Variants in CDK13 observed in about 807,000 individuals in gnomAD.
CDK13 encodes cyclin-dependent kinase 13.
In CDK13, 40 loss-of-function variants were observed where a neutral mutation model predicts 137.6. The observed-to-expected ratio is 0.29, with a 90% CI of 0.23 to 0.38. CDK13 has a LOEUF of 0.38. Ranked by LOEUF, CDK13 falls within the 10% of genes least tolerant of loss-of-function variation. The pLI is 1.00. For missense variants in CDK13, 1,704 were observed against 1,951.8 expected, an observed-to-expected ratio of 0.87 and a Z score of 2.39; for synonymous variants, 869 against 760.1, an observed-to-expected ratio of 1.14 and a Z score of -2.36.
At chr7:39,974,678 C>T (rs1448614199) in intron 1 of CDK13, among the ~76,000 whole-genome samples, 1 of 151,936 alleles carries the variant, frequency 6.6e-6, no homozygotes, top group East Asian at 1.9e-4. Flanking sequence ...ATTCTCCTGC[C>T]TCAGCCTCCT....
chr7:40,017,808 A>AT (rs1785033080), intron 5 of CDK13, among the ~76,000 whole-genome samples: 1 of 151,446 alleles, frequency 6.6e-6, no homozygotes, highest in African/African-American at 2.4e-5. Flanking sequence ...AATAATAGGA[A>AT]TTTTTTTATA....
At chr7:40,093,886 A>AC (rs1256793162) in intron 13 of CDK13, among the ~76,000 whole-genome samples, 4 of 148,618 alleles carry the variant, frequency 2.7e-5, no homozygotes, top group African/African-American at 1.0e-4. Flanking sequence ...AGTCTGGGTG[A>AC]CAGAGTGAGA....
intron 11 of CDK13, 69 bp from the exon 12 acceptor site, chr7:40,088,057 C>T: frequency 7.6e-7 from 1 of 1,317,904 alleles, no homozygotes; most frequent in South Asian, 1.3e-5. Context: ...AACTTTGTTG[C>T]TATATAGTAA....
At chr7:40,030,779 T>C (rs1426003984) in intron 5 of CDK13, among the ~76,000 whole-genome samples, 2 of 152,170 alleles carry the variant, frequency 1.3e-5, no homozygotes, top group Non-Finnish European at 2.9e-5. Flanking sequence ...ATACGTAGAC[T>C]ATTCAGATTG....
chr7:40,030,889 T>G (rs1785364839), intron 5 of CDK13, among the ~76,000 whole-genome samples: 1 of 152,220 alleles, frequency 6.6e-6, no homozygotes, highest in Non-Finnish European at 1.5e-5. Context: ...ATTGTATGGG[T>G]GTACCACAGT....
At chr7:39,977,991 A>G (rs182893786) in intron 1 of CDK13, among the ~76,000 whole-genome samples, 268 of 152,268 alleles carry the variant, frequency 1.8e-3, no homozygotes, top group African/African-American at 5.9e-3. Context: ...ACTGCCTCAG[A>G]ATAGGGTGTA....
At position 40,019,573 on chromosome 7, in the gene CDK13, C is replaced by T. The variant is rs185837070; in HGVS notation, c.2353+17542C>T. ...CTCAACTGCTTGGATGAAGCCCACC[C>T]ACATTGTGAGGGTTCATCTTTTCTC... On this transcript the variant is annotated intron_variant, in intron 5 of 13. Coordinates refer to ENST00000181839, the MANE Select transcript of CDK13 (RefSeq NM_003718.5). Among the ~76,000 whole-genome samples the T allele has an allele frequency of 7.9e-5, 12 of 152,212 alleles. No individual in the cohort carries two copies. In the East Asian group the frequency reaches 2.3e-3, roughly 29 times the overall value.
At chr7:40,009,174 C>G (rs371769439) in intron 5 of CDK13, among the ~76,000 whole-genome samples, 101 of 152,340 alleles carry the variant, frequency 6.6e-4, no homozygotes, top group Middle Eastern at 3.4e-3. Context: ...TTTCTCACAT[C>G]TGTATGATTA....
chr7:40,059,774 T>C (rs1017812599), intron 7 of CDK13, among the ~76,000 whole-genome samples: 2 of 152,252 alleles, frequency 1.3e-5, no homozygotes, highest in Non-Finnish European at 2.9e-5. Context: ...GTGGTACTTT[T>C]TGTTTTATAA....
At chr7:39,962,771 T>C (rs1783778927) in intron 1 of CDK13, among the ~76,000 whole-genome samples, 1 of 152,190 alleles carries the variant, frequency 6.6e-6, no homozygotes, top group South Asian at 2.1e-4. Flanking sequence ...AACATTTAAG[T>C]CTGTAATCCA....
At chr7:40,071,476 A>G (rs1307969782) in intron 9 of CDK13, 3 of 152,246 alleles carry the variant, frequency 2.0e-5, no homozygotes, top group Non-Finnish European at 2.9e-5. Flanking sequence ...AGAAACCACA[A>G]AAATTAGATG....
chr7:40,070,072 A>G lies in CDK13; in HGVS notation c.2780+6972A>G, dbSNP rs1786379680. The G allele has an allele frequency of 4.7e-5, 7 of 148,582 alleles. No homozygotes were observed. The Admixed American group carries it at 4.8e-4, about 10-fold the overall frequency. 9.2% of individuals were successfully genotyped at this position (148,582 alleles called of 1,614,324 possible). A position where few individuals can be genotyped will look rare whatever the true frequency, so the allele number is the denominator to read the frequency against. ...CCCGTCTCTACCAAAACTACAAAAAAAAAAAAAAAAAAAAAAAAAAAGCCG... is the reference window on the plus strand; with the variant it reads ...CCCGTCTCTACCAAAACTACAAAAAGAAAAAAAAAAAAAAAAAAAAAGCCG... On this transcript the variant is annotated intron_variant, in intron 9 of 13. Transcript: ENST00000181839.
intron 1 of CDK13, among the ~76,000 whole-genome samples, chr7:39,970,017 CTT>C (rs869070174): frequency 3.0e-4 from 41 of 136,628 alleles, no homozygotes; most frequent in Admixed American, 4.4e-4. Flanking sequence ...GTGATTTATG[CTT>C]TTTTTTTTTT....
chr7:40,074,746 G>A (rs1371997746), intron 9 of CDK13, among the ~76,000 whole-genome samples: 2 of 151,460 alleles, frequency 1.3e-5, no homozygotes, highest in Admixed American at 6.6e-5. Context: ...ATTTGAGACC[G>A]GGAGGTCGAG....
At position 40,097,564 on chromosome 7, in the gene CDK13, A is replaced by G. The variant is rs1173869678; in HGVS notation, c.*2584A>G. The G allele has an allele frequency of 2.0e-5, 3 of 152,132 alleles. No homozygotes were observed. Among genetic ancestry groups the G allele is most frequent in the Non-Finnish European group, 4.4e-5 (3 of 67,974 alleles). The allele number at this position is 152,132 out of a possible 1,614,324, so 9.4% of individuals were successfully genotyped here. ...ATCGCTGAAAATTTGAGTGAAATCT[A>G]AAGAACACAAAATATTGCTTAAATT... On this transcript the variant is annotated 3_prime_UTR_variant, in exon 14 of 14. Transcript: ENST00000181839.
chr7:39,952,074 G>A lies in CDK13; in HGVS notation c.1211+222G>A, dbSNP rs9655407. ...CTGGGCGAAGGGAACTTTTCTCCTA[G>A]CTGTGGCAGGGAAGATTTCTAAGGA... On this transcript the variant is annotated intron_variant, in intron 1 of 13. Transcript: ENST00000181839. 120,168 of 400,344 alleles carry A rather than the reference G, an allele frequency of 0.3. 20,998 individuals carry two copies. The highest frequency in any genetic ancestry group is 0.48 in the Middle Eastern group (750 of 1,578). The allele number at this position is 400,344 out of a possible 1,614,324, so 24.8% of individuals were successfully genotyped here. A position where few individuals can be genotyped will look rare whatever the true frequency, so the allele number is the denominator to read the frequency against.
chr7:40,047,839 A>G lies in CDK13; in HGVS notation c.2562A>G (p.Ala854=), dbSNP rs1296541669. 1 of 1,611,216 alleles carries G rather than the reference A, an allele frequency of 6.2e-7. No homozygotes were observed. The highest frequency in any genetic ancestry group is 1.3e-5 in the African/African-American group (1 of 74,984). Residue 854 remains alanine, a synonymous_variant, in exon 7 of 14, where the codon GCA becomes GCG. Transcript: ENST00000181839. ...LLNNRGQIKL[A]DFGLARLYSS... ...CCACCAGAGGGCAGATAAAACTTGC[A>G]GACTTTGGACTTGCTCGATTGTATA...
At chr7:39,956,039 A>G (rs1787397082) in intron 1 of CDK13, among the ~76,000 whole-genome samples, 1 of 152,186 alleles carries the variant, frequency 6.6e-6, no homozygotes, top group African/African-American at 2.4e-5. Flanking sequence ...TGGATTATTT[A>G]GTGTTTTGTC....
At chr7:40,061,736 G>C (rs3800802) in intron 7 of CDK13, 2 of 152,148 alleles carry the variant, frequency 1.3e-5, no homozygotes, top group South Asian at 4.1e-4. Context: ...AACCTCCTCT[G>C]ACTACTTAGG....
Sources: gnomAD v4.1 joint callset for allele counts (sites outside exome capture counted in the v4.1 genomes callset) on GRCh38, gnomAD v4.1.1 for gene constraint, MANE v1.5 for transcripts, NCBI Gene and HGNC (gene_info 2026-07-23, HGNC 2026-07-21) for gene names.